FBXL17: variants seen among roughly 807,000 people sequenced by gnomAD.
FBXL17 encodes the protein F-box/LRR-repeat protein 17.
In FBXL17, 22 loss-of-function variants were observed where a neutral mutation model predicts 66.2. The ratio of observed to expected loss-of-function variants is 0.33; its 90% CI spans 0.24 to 0.47. The LOEUF (loss-of-function observed/expected upper bound fraction) is 0.47. FBXL17 is among the 20% of genes least tolerant of loss of function. FBXL17 has a pLI of 1.00. For synonymous variants in FBXL17, 474 were observed against 400.5 expected (o/e 1.18, Z -2.19); for missense variants, 878 against 948.2 (o/e 0.93, Z 0.97).
chr5:107,883,595 C>T (rs756915148), intron 7 of FBXL17, among the ~76,000 whole-genome samples: 6 of 152,288 alleles, frequency 3.9e-5, no homozygotes, highest in Admixed American at 2.6e-4. Context: ...CAAAGGTCAA[C>T]TTCTCAGAAC....
intron 7 of FBXL17, among the ~76,000 whole-genome samples, chr5:107,950,895 C>A (rs750760241): frequency 6.6e-6 from 1 of 152,186 alleles, no homozygotes; most frequent in Non-Finnish European, 1.5e-5. Flanking sequence ...CAGAGAGATT[C>A]CAAATGTGAT....
At chr5:108,259,706 C>T (rs1034879529) in intron 4 of FBXL17, among the ~76,000 whole-genome samples, 14 of 151,646 alleles carry the variant, frequency 9.2e-5, no homozygotes, top group African/African-American at 3.2e-4. Context: ...TAAAGCAAAA[C>T]GAAAAGCAAA....
chr5:108,289,050 A>G (rs1758009598), intron 4 of FBXL17, among the ~76,000 whole-genome samples: 1 of 152,092 alleles, frequency 6.6e-6, no homozygotes, highest in African/African-American at 2.4e-5. Context: ...TGGACTCTGA[A>G]GTTAAGCAAA....
chr5:107,930,952 T>G (rs1236641796), intron 7 of FBXL17, among the ~76,000 whole-genome samples: 1 of 151,248 alleles, frequency 6.6e-6, no homozygotes, highest in African/African-American at 2.4e-5. Context: ...GTTAGTTCTA[T>G]TTACCATTTT....
chr5:108,009,298 T>TATATATAC (rs1554056628), intron 7 of FBXL17, among the ~76,000 whole-genome samples: 1 of 71,446 alleles, frequency 1.4e-5, no homozygotes, highest in African/African-American at 6.9e-5. Flanking sequence ...TATATATATA[T>TATATATAC]ATACATATAT....
In FBXL17 at chr5:108,367,816, A is replaced by C; in HGVS notation, c.1116+15T>G. 1 of 1,546,388 alleles carries C rather than the reference A, an allele frequency of 6.5e-7. No individual in the cohort carries two copies. Among genetic ancestry groups the C allele is most frequent in the Non-Finnish European group, 8.7e-7 (1 of 1,144,826 alleles). On this transcript the variant is annotated intron_variant, in intron 2 of 8. Coordinates refer to ENST00000542267, the MANE Select transcript of FBXL17 (RefSeq NM_001163315.3). ...AGTAGGTCATATGAGTGTTACTTAG[A>C]ATTGGATTCCATACCTGCTGACGAC...
In FBXL17 at chr5:107,869,814, C is replaced by T. The variant is rs148627692; in HGVS notation, c.1966-7954G>A. Among the ~76,000 whole-genome samples, 965 of 152,268 alleles carry T rather than the reference C, an allele frequency of 6.3e-3. 15 individuals are homozygous for T. Among genetic ancestry groups the T allele is most frequent in the African/African-American group, 0.022 (926 of 41,528 alleles). ...TTAGCACTTGGATCCTTTGTTCTCT[C>T]GTGTGATCAGCTTCACATTCCCTTC... On this transcript the variant is annotated intron_variant, in intron 8 of 8. Coordinates refer to ENST00000542267, the MANE Select transcript of FBXL17 (RefSeq NM_001163315.3).
intron 6 of FBXL17, among the ~76,000 whole-genome samples, chr5:108,161,844 T>C (rs1752231358): frequency 1.3e-5 from 2 of 152,142 alleles, no homozygotes; most frequent in South Asian, 4.1e-4. Context: ...CTTAGACATA[T>C]AAAAGGCAGG....
intron 5 of FBXL17, among the ~76,000 whole-genome samples, chr5:108,187,143 A>G (rs759289077): frequency 2.3e-4 from 35 of 152,100 alleles, no homozygotes; most frequent in Non-Finnish European, 4.4e-5. Context: ...TTCATTTTCT[A>G]TTTCTTTAAG....
intron 5 of FBXL17, among the ~76,000 whole-genome samples, chr5:108,201,621 A>G (rs1753897925): frequency 1.3e-5 from 2 of 152,050 alleles, no homozygotes; most frequent in South Asian, 4.2e-4. Context: ...AGATATGCTT[A>G]TTTTTTTCTC....
intron 4 of FBXL17, among the ~76,000 whole-genome samples, chr5:108,271,408 C>A (rs17452260): frequency 0.012 from 1,838 of 152,276 alleles, 15 homozygotes; most frequent in Non-Finnish European, 0.019. Flanking sequence ...ACAGAACAAA[C>A]CAGGTTAAGA....
chr5:108,230,809 G>C (rs541543460), intron 4 of FBXL17, among the ~76,000 whole-genome samples: 1 of 151,566 alleles, frequency 6.6e-6, no homozygotes, highest in African/African-American at 2.4e-5. Flanking sequence ...GTTGGGGGGC[G>C]CGAGGGATAA....
At chr5:107,908,449 T>C (rs59232751) in intron 7 of FBXL17, among the ~76,000 whole-genome samples, 1 of 152,244 alleles carries the variant, frequency 6.6e-6, no homozygotes, top group Non-Finnish European at 1.5e-5. Flanking sequence ...TTAAAATATA[T>C]CATTTAAAGC....
intron 7 of FBXL17, among the ~76,000 whole-genome samples, chr5:107,897,455 C>G (rs747117326): frequency 1.3e-5 from 2 of 149,650 alleles, no homozygotes; most frequent in Non-Finnish European, 2.9e-5. Context: ...TAATGACAAC[C>G]CTTTTTCTGG....
At chr5:108,260,364 C>T (rs540618924) in intron 4 of FBXL17, among the ~76,000 whole-genome samples, 33 of 152,208 alleles carry the variant, frequency 2.2e-4, no homozygotes, top group East Asian at 1.5e-3. Flanking sequence ...GCTGGTCATC[C>T]GCCCTTCCCA....
chr5:108,142,898 G>A (rs1751406494), intron 6 of FBXL17, among the ~76,000 whole-genome samples: 2 of 151,704 alleles, frequency 1.3e-5, no homozygotes, highest in Admixed American at 6.6e-5. Flanking sequence ...ACGGGTTGAT[G>A]GGTGCAGCAA....
chr5:107,885,458 A>T (rs1253493704), intron 7 of FBXL17, among the ~76,000 whole-genome samples: 1 of 152,216 alleles, frequency 6.6e-6, no homozygotes, highest in East Asian at 1.9e-4. Flanking sequence ...CGTATATACA[A>T]GTTTATTTAT....
intron 7 of FBXL17, among the ~76,000 whole-genome samples, chr5:107,942,259 T>G (rs1359976547): frequency 6.6e-6 from 1 of 152,080 alleles, no homozygotes; most frequent in Non-Finnish European, 1.5e-5. Context: ...AAACAAAACT[T>G]TGTCCTCTTA....
intron 2 of FBXL17, among the ~76,000 whole-genome samples, chr5:108,367,457 C>T (rs756869304): frequency 1.2e-4 from 18 of 152,016 alleles, no homozygotes; most frequent in Admixed American, 3.3e-4. Context: ...ATGCATAAAG[C>T]CCTTAGAACA....
Sources: gnomAD v4.1 joint callset for allele counts (sites outside exome capture counted in the v4.1 genomes callset) on GRCh38, gnomAD v4.1.1 for gene constraint, MANE v1.5 for transcripts, NCBI Gene and HGNC (gene_info 2026-07-23, HGNC 2026-07-21) for gene names.